The following MED13L variants were observed in gnomAD, a reference collection of about 807,000 sequenced individuals.
MED13L encodes mediator complex subunit 13L, also known as mediator of RNA polymerase II transcription subunit 13-like.
MED13L carries 7 observed loss-of-function variants against 220.9 expected under a neutral mutation model. The observed-to-expected ratio is 0.03, with a 90% CI of 0.02 to 0.06. The LOEUF is 0.06. Among genes scored for constraint, MED13L ranks in the 10% least tolerant of loss-of-function variants. The probability of loss-of-function intolerance (pLI) is 1.00; values close to 1 mark genes in which losing one functional copy is unlikely to be tolerated. For missense variants in MED13L, 1,965 were observed against 2,760.5 expected (o/e 0.71, Z 6.46); for synonymous variants, 1,011 against 1,015.2 (o/e 1.00, Z 0.08).
intron 17 of MED13L, among the ~76,000 whole-genome samples, chr12:115,989,818 G>C (rs1014603508): frequency 1.3e-5 from 2 of 152,052 alleles, no homozygotes; most frequent in Non-Finnish European, 2.9e-5. Flanking sequence ...TTCTTCACAA[G>C]GACACTAAGG....
chr12:116,083,497 T>C (rs978306757), intron 4 of MED13L, among the ~76,000 whole-genome samples: 13 of 146,660 alleles, frequency 8.9e-5, no homozygotes, highest in East Asian at 4.1e-4. Flanking sequence ...AGCAGAAACA[T>C]AGCATATGGT....
At chr12:116,166,367 A>T (rs983195287) in intron 2 of MED13L, among the ~76,000 whole-genome samples, 2 of 152,172 alleles carry the variant, frequency 1.3e-5, no homozygotes, top group African/African-American at 4.8e-5. Context: ...TCCAGCAAGT[A>T]TAAAGCAGGC....
intron 4 of MED13L, among the ~76,000 whole-genome samples, chr12:116,074,063 A>G (rs987844439): frequency 1.3e-5 from 2 of 152,196 alleles, no homozygotes; most frequent in South Asian, 4.1e-4. Context: ...TTTCTCCCCA[A>G]TCCCATACCT....
intron 2 of MED13L, among the ~76,000 whole-genome samples, chr12:116,146,455 A>T (rs1387317858): frequency 6.6e-6 from 1 of 151,074 alleles, no homozygotes; most frequent in Non-Finnish European, 1.5e-5. Context: ...TTTTTTTTTA[A>T]AGCTCATCAG....
intron 14 of MED13L, among the ~76,000 whole-genome samples, chr12:115,997,986 C>T (rs1878512447): frequency 1.3e-5 from 2 of 152,202 alleles, no homozygotes; most frequent in African/African-American, 4.8e-5. Context: ...AAATCCACTA[C>T]ACTTACAGCT....
chr12:115,998,206 A>C lies in MED13L; in HGVS notation c.2570-976T>G, dbSNP rs111888681. Among the ~76,000 whole-genome samples the C allele has an allele frequency of 5.9e-5, 9 of 152,366 alleles. 4 individuals are homozygous for C. The highest frequency in any genetic ancestry group is 2.2e-4 in the African/African-American group (9 of 41,602). ...TTCATTAAGGCACTGATTCTTAAAAAGTAGACCTATTGAAAAGTTGTAGTT... is the reference window on the plus strand; with the variant it reads ...TTCATTAAGGCACTGATTCTTAAAACGTAGACCTATTGAAAAGTTGTAGTT... On this transcript the variant is annotated intron_variant, in intron 14 of 30. Coordinates refer to ENST00000281928, the MANE Select transcript of MED13L (RefSeq NM_015335.5).
At chr12:115,964,565 T>C (rs1876008410) in intron 29 of MED13L, among the ~76,000 whole-genome samples, 1 of 152,218 alleles carries the variant, frequency 6.6e-6, no homozygotes, top group South Asian at 2.1e-4. Flanking sequence ...GAGTTGATGC[T>C]CTAGCAACAA....
Position 116,062,406 on chromosome 12 carries a change from A to C in MED13L, c.479+34263T>G, listed in dbSNP as rs77897711. 4.6e-5 allele frequency among the ~76,000 whole-genome samples: 7 copies of C among 151,570 alleles called. No homozygotes were observed. In the East Asian group the frequency reaches 1.4e-3, roughly 30 times the overall value. ...TGAGCTCAAGCAATCTGCCCACCTC[A>C]ACCTCCCTCTATTGGTTTTCTATTG... is the stretch of plus-strand genomic sequence containing the variant. On this transcript the variant is annotated intron_variant, in intron 4 of 30. Transcript: ENST00000281928.
At chr12:116,089,359 T>G (rs1297186602) in intron 4 of MED13L, among the ~76,000 whole-genome samples, 1 of 152,106 alleles carries the variant, frequency 6.6e-6, no homozygotes, top group African/African-American at 2.4e-5. Context: ...CACCCGGCGA[T>G]TTTCACTAAG....
chr12:116,059,387 A>G (rs1869249604), intron 4 of MED13L, among the ~76,000 whole-genome samples: 1 of 151,548 alleles, frequency 6.6e-6, no homozygotes, highest in South Asian at 2.1e-4. Flanking sequence ...TTTCACTGTC[A>G]ATAACCCTCC....
At chr12:116,119,838 A>AAT (rs1555213243) in intron 2 of MED13L, among the ~76,000 whole-genome samples, 2,213 of 31,468 alleles carry the variant, frequency 0.07, 170 homozygotes, top group Middle Eastern at 0.096. Flanking sequence ...AAAAAAAAAA[A>AAT]ATATATATAT....
At chr12:116,195,764 A>C (rs1008862845) in intron 2 of MED13L, among the ~76,000 whole-genome samples, 21 of 152,104 alleles carry the variant, frequency 1.4e-4, no homozygotes, top group African/African-American at 4.3e-4. Flanking sequence ...TAAAAGAGTA[A>C]AATTTCTTTT....
At chr12:116,272,289 G>T (rs752173496) in intron 1 of MED13L, among the ~76,000 whole-genome samples, 1 of 152,130 alleles carries the variant, frequency 6.6e-6, no homozygotes, top group Non-Finnish European at 1.5e-5. Context: ...CTGGCCGGGC[G>T]CAGTGGCTCA....
chr12:115,989,429 C>A (rs1877910374), intron 17 of MED13L, among the ~76,000 whole-genome samples: 1 of 152,002 alleles, frequency 6.6e-6, no homozygotes, highest in Non-Finnish European at 1.5e-5. Flanking sequence ...TTCTCTGCCT[C>A]ACCTATACCC....
At chr12:116,105,052 AT>A (rs1179089225) in intron 3 of MED13L, among the ~76,000 whole-genome samples, 1 of 152,238 alleles carries the variant, frequency 6.6e-6, no homozygotes, top group East Asian at 1.9e-4. Flanking sequence ...ATGAAAACTT[AT>A]ACTAACTATC....
chr12:116,220,326 G>T (rs1311470015), intron 2 of MED13L, among the ~76,000 whole-genome samples: 1 of 152,088 alleles, frequency 6.6e-6, no homozygotes, highest in Non-Finnish European at 1.5e-5. Context: ...AGATTTCCAA[G>T]AGAAAACTAT....
chr12:116,150,087 A>C (rs1436705758), intron 2 of MED13L, among the ~76,000 whole-genome samples: 1 of 152,246 alleles, frequency 6.6e-6, no homozygotes, highest in African/African-American at 2.4e-5. Context: ...GGACAGATTT[A>C]GTTGTCAAAA....
chr12:116,169,995 C>CA (rs1879555727), intron 2 of MED13L, among the ~76,000 whole-genome samples: 2 of 152,110 alleles, frequency 1.3e-5, no homozygotes, highest in Admixed American at 1.3e-4. Flanking sequence ...CCTGTCTGAG[C>CA]AGCAGAGTGA....
chr12:116,051,417 T>G (rs1009534822), intron 4 of MED13L, among the ~76,000 whole-genome samples: 5 of 152,238 alleles, frequency 3.3e-5, no homozygotes, highest in African/African-American at 1.2e-4. Context: ...AGTTTCCTTT[T>G]AAATCATAAT....
Sources: gnomAD v4.1 joint callset for allele counts (sites outside exome capture counted in the v4.1 genomes callset) on GRCh38, gnomAD v4.1.1 for gene constraint, MANE v1.5 for transcripts, NCBI Gene and HGNC (gene_info 2026-07-23, HGNC 2026-07-21) for gene names.